CSMD1: variants seen among roughly 807,000 people sequenced by gnomAD.
The protein encoded by CSMD1 is CUB and Sushi multiple domains 1.
CSMD1 carries 213 observed loss-of-function variants against 417.5 expected under a neutral mutation model. The observed-to-expected ratio is 0.51, with a 90% CI of 0.46 to 0.57. The LOEUF (loss-of-function observed/expected upper bound fraction) is 0.57. CSMD1 is among the 20% of genes least tolerant of loss of function. CSMD1 has a pLI of 0.00. For synonymous variants in CSMD1, 2,862 were observed against 1,736.8 expected (o/e 1.65, Z -16.11); for missense variants, 6,923 against 4,529.7 (o/e 1.53, Z -15.17).
chr8:3,790,634 AC>A (rs1366109096), intron 5 of CSMD1, among the ~76,000 whole-genome samples: 1 of 152,234 alleles, frequency 6.6e-6, no homozygotes, highest in African/African-American at 2.4e-5. Flanking sequence ...TTATCAAAAC[AC>A]AAAGAGATAA....
chr8:4,517,067 G>C (rs1803164833), intron 2 of CSMD1, among the ~76,000 whole-genome samples: 1 of 152,170 alleles, frequency 6.6e-6, no homozygotes, highest in Non-Finnish European at 1.5e-5. Context: ...GTGTTTTACT[G>C]TGAATGCAGA....
intron 1 of CSMD1, among the ~76,000 whole-genome samples, chr8:4,906,097 A>T (rs1466211000): frequency 6.6e-6 from 1 of 152,120 alleles, no homozygotes; most frequent in African/African-American, 2.4e-5. Context: ...CCAATAATCA[A>T]ATTATCCTTG....
intron 15 of CSMD1, among the ~76,000 whole-genome samples, chr8:3,403,181 T>G (rs1333134791): frequency 6.6e-6 from 1 of 152,204 alleles, no homozygotes; most frequent in Non-Finnish European, 1.5e-5. Flanking sequence ...TATAATTGAT[T>G]TAAACAAAAC....
intron 26 of CSMD1, among the ~76,000 whole-genome samples, chr8:3,255,024 G>C (rs928949705): frequency 1.3e-5 from 2 of 152,162 alleles, no homozygotes; most frequent in Admixed American, 6.5e-5. Context: ...GGTCTTTGAT[G>C]ATGGTGATGT....
At chr8:3,613,712 C>G (rs1035475876) in intron 8 of CSMD1, among the ~76,000 whole-genome samples, 7 of 107,014 alleles carry the variant, frequency 6.5e-5, no homozygotes, top group African/African-American at 2.6e-4. Context: ...AACACACACA[C>G]ACACACACAC....
At chr8:3,804,969 C>T (rs1207765595) in intron 5 of CSMD1, among the ~76,000 whole-genome samples, 1 of 152,134 alleles carries the variant, frequency 6.6e-6, no homozygotes, top group Non-Finnish European at 1.5e-5. Context: ...GCCAGAGAAG[C>T]AATTGTTCGT....
chr8:3,419,136 C>A (rs906615225), intron 12 of CSMD1, among the ~76,000 whole-genome samples: 1 of 152,184 alleles, frequency 6.6e-6, no homozygotes, highest in Non-Finnish European at 1.5e-5. Flanking sequence ...ACGCAAGCTG[C>A]GCTGTTCTCT....
At chr8:3,595,127 T>G (rs1013056787) in intron 8 of CSMD1, among the ~76,000 whole-genome samples, 1 of 152,156 alleles carries the variant, frequency 6.6e-6, no homozygotes, top group Admixed American at 6.5e-5. Context: ...TTTACACTAC[T>G]CAGATGGGAA....
intron 7 of CSMD1, among the ~76,000 whole-genome samples, chr8:3,691,949 C>A (rs915825371): frequency 1.3e-5 from 2 of 152,166 alleles, no homozygotes; most frequent in South Asian, 4.1e-4. Context: ...TAATCAAGAG[C>A]TCTCATTTCA....
At chr8:3,489,962 G>C (rs1330405536) in intron 11 of CSMD1, among the ~76,000 whole-genome samples, 1 of 152,182 alleles carries the variant, frequency 6.6e-6, no homozygotes, top group African/African-American at 2.4e-5. Context: ...ATACTGACTA[G>C]TATTTAAACT....
intron 2 of CSMD1, among the ~76,000 whole-genome samples, chr8:4,519,104 A>G (rs1803287332): frequency 1.3e-5 from 2 of 152,106 alleles, no homozygotes; most frequent in African/African-American, 4.8e-5. Context: ...CCTTATCACA[A>G]CATACTGTTT....
chr8:4,410,899 A>C (rs1796616723), intron 3 of CSMD1, among the ~76,000 whole-genome samples: 1 of 152,204 alleles, frequency 6.6e-6, no homozygotes, highest in Non-Finnish European at 1.5e-5. Context: ...TTATAAGTTC[A>C]ATAAGATCAA....
chr8:3,249,799 G>T (rs879769558), intron 26 of CSMD1, among the ~76,000 whole-genome samples: 1 of 152,004 alleles, frequency 6.6e-6, no homozygotes, highest in Admixed American at 6.5e-5. Flanking sequence ...ACTTCATTAG[G>T]GAAAACTTTG....
At chr8:4,395,244 T>A (rs1478196905) in intron 3 of CSMD1, among the ~76,000 whole-genome samples, 1 of 152,190 alleles carries the variant, frequency 6.6e-6, no homozygotes, top group Non-Finnish European at 1.5e-5. Context: ...CTGTTTATCT[T>A]CTTTTATCTT....
chr8:3,699,574 C>T (rs542509245), intron 7 of CSMD1, among the ~76,000 whole-genome samples: 37 of 152,130 alleles, frequency 2.4e-4, no homozygotes, highest in Non-Finnish European at 5.0e-4. Flanking sequence ...GGTTGATCTA[C>T]TAATATTTTG....
chr8:3,685,385 T>C (rs1799894246), intron 7 of CSMD1, among the ~76,000 whole-genome samples: 1 of 152,166 alleles, frequency 6.6e-6, no homozygotes, highest in Admixed American at 6.5e-5. Flanking sequence ...GGGTCCTGTC[T>C]GGGTCCTGCT....
At chr8:3,056,357 C>T (rs1303411877) in intron 49 of CSMD1, among the ~76,000 whole-genome samples, 1 of 152,064 alleles carries the variant, frequency 6.6e-6, no homozygotes, top group African/African-American at 2.4e-5. Context: ...AGGCTTAAAA[C>T]GTTTCTCTGT....
At chr8:4,273,932 A>G (rs1024166825) in intron 3 of CSMD1, among the ~76,000 whole-genome samples, 2 of 152,300 alleles carry the variant, frequency 1.3e-5, no homozygotes, top group East Asian at 3.9e-4. Context: ...TTACTTTTCT[A>G]TGGAGGCTGT....
chr8:3,116,259 T>G (rs1030137834), intron 42 of CSMD1, among the ~76,000 whole-genome samples: 3 of 152,226 alleles, frequency 2.0e-5, no homozygotes, highest in Admixed American at 6.5e-5. Context: ...AACTTTTACA[T>G]GAATCGTGCG....
Sources: allele counts gnomAD v4.1 joint callset (sites outside exome capture counted in the v4.1 genomes callset), GRCh38; gene constraint gnomAD v4.1.1; transcripts MANE v1.5; gene names NCBI Gene and HGNC (gene_info 2026-07-23, HGNC 2026-07-21).